The following GUCY1A2 variants were observed in gnomAD, a reference collection of about 807,000 sequenced individuals.
The protein encoded by GUCY1A2 is guanylate cyclase 1 soluble subunit alpha 2.
A neutral mutation model predicts 63.5 loss-of-function variants in GUCY1A2; 27 were observed. That is an observed-to-expected ratio of 0.43 (90% CI 0.31 to 0.59). GUCY1A2 has a LOEUF of 0.59. Among genes scored for constraint, GUCY1A2 ranks in the 20% least tolerant of loss-of-function variants. GUCY1A2 has a pLI of 0.11. For synonymous variants in GUCY1A2, 364 were observed against 343.5 expected (o/e 1.06, Z -0.66); for missense variants, 768 against 913.3 (o/e 0.84, Z 2.05).
In GUCY1A2 at chr11:106,683,320, T is replaced by A; in HGVS notation, c.*4229A>T. On this transcript the variant is annotated 3_prime_UTR_variant, in exon 8 of 8. Coordinates refer to ENST00000526355, the MANE Select transcript of GUCY1A2 (RefSeq NM_000855.3). The stretch of plus-strand genomic sequence containing the variant: ...TTCTTGAACTTGAGTTTCTAGATAT[T>A]GTCAGCTGAAAGACGCCTGGTGCTA... The A allele has an allele frequency of 4.5e-6, 1 of 222,374 alleles. No homozygotes were observed. Among genetic ancestry groups the A allele is most frequent in the Non-Finnish European group, 9.0e-6 (1 of 111,188 alleles). The allele number at this position is 222,374 out of a possible 1,614,324, so 13.8% of individuals were successfully genotyped here.
intron 4 of GUCY1A2, among the ~76,000 whole-genome samples, chr11:106,921,852 G>C (rs777493093): frequency 6.6e-6 from 1 of 152,208 alleles, no homozygotes; most frequent in Middle Eastern, 3.4e-3. Flanking sequence ...TTAACAACAT[G>C]TGTTGTATTC....
chr11:106,944,091 C>A (rs941290126), intron 3 of GUCY1A2, among the ~76,000 whole-genome samples: 9 of 150,652 alleles, frequency 6.0e-5, no homozygotes, highest in African/African-American at 1.7e-4. Flanking sequence ...GCCTGTAGTC[C>A]GTAGTCCCAG....
At chr11:106,895,804 G>C (rs1860039426) in intron 4 of GUCY1A2, among the ~76,000 whole-genome samples, 1 of 151,804 alleles carries the variant, frequency 6.6e-6, no homozygotes, top group African/African-American at 2.4e-5. Flanking sequence ...TACAAGAAAA[G>C]AAAACGACAG....
intron 4 of GUCY1A2, among the ~76,000 whole-genome samples, chr11:106,933,766 A>C (rs1591333197): frequency 6.6e-6 from 1 of 152,336 alleles, no homozygotes; most frequent in South Asian, 2.1e-4. Context: ...TGCAACCATT[A>C]AAAAGAACAC....
chr11:106,826,366 A>G (rs1858971079), intron 4 of GUCY1A2: 1 of 1,505,742 alleles, frequency 6.6e-7, no homozygotes, highest in Non-Finnish European at 9.1e-7. Context: ...TTGGAACTTT[A>G]TATGATTCTT....
chr11:106,754,823 T>G (rs1863944858), intron 6 of GUCY1A2, among the ~76,000 whole-genome samples: 2 of 152,194 alleles, frequency 1.3e-5, no homozygotes, highest in Admixed American at 6.6e-5. Flanking sequence ...TCTCTTTTTT[T>G]GTTGTGTCTC....
chr11:106,854,587 C>T (rs1272666150), intron 4 of GUCY1A2, among the ~76,000 whole-genome samples: 1 of 152,114 alleles, frequency 6.6e-6, no homozygotes, highest in East Asian at 1.9e-4. Flanking sequence ...AACCCTCAGG[C>T]TCCTGGATGG....
At chr11:106,946,795 G>T (rs1280926414) in intron 3 of GUCY1A2, among the ~76,000 whole-genome samples, 1 of 152,128 alleles carries the variant, frequency 6.6e-6, no homozygotes, top group African/African-American at 2.4e-5. Context: ...TGTAGTGATG[G>T]TTGCAAAACT....
At chr11:106,970,319 C>G (rs1354072223) in intron 3 of GUCY1A2, among the ~76,000 whole-genome samples, 1 of 152,116 alleles carries the variant, frequency 6.6e-6, no homozygotes, top group Non-Finnish European at 1.5e-5. Flanking sequence ...CTTATTGTTA[C>G]TAAGCAAAAG....
chr11:106,776,611 A>T (rs1565286323), intron 5 of GUCY1A2, 29 bp from the exon 6 acceptor site: 1 of 1,602,804 alleles, frequency 6.2e-7, no homozygotes. Flanking sequence ...TCAAATGCAA[A>T]CGTATGATAA....
chr11:106,997,056 C>CT (rs753601933), intron 1 of GUCY1A2, among the ~76,000 whole-genome samples: 1 of 151,992 alleles, frequency 6.6e-6, no homozygotes, highest in Non-Finnish European at 1.5e-5. Flanking sequence ...CATAAAAAGT[C>CT]TTTTTTAGTT....
At position 106,760,525 on chromosome 11, in the gene GUCY1A2, C is replaced by G. The variant is rs547257629; in HGVS notation, c.1836+15914G>C. 2.0e-5 allele frequency among the ~76,000 whole-genome samples: 3 copies of G among 152,158 alleles called. No homozygotes were observed. In the South Asian group the frequency reaches 6.2e-4, roughly 32 times the overall value. On this transcript the variant is annotated intron_variant, in intron 6 of 7. Coordinates refer to ENST00000526355, the MANE Select transcript of GUCY1A2 (RefSeq NM_000855.3). ...CTTTTTAATACATGAATAGTATTTA[C>G]AACTTGATATTTGGACAAAGTAGGT... is the stretch of plus-strand genomic sequence containing the variant.
At chr11:106,837,887 G>T (rs1197669539) in intron 4 of GUCY1A2, among the ~76,000 whole-genome samples, 1 of 151,858 alleles carries the variant, frequency 6.6e-6, no homozygotes, top group African/African-American at 2.4e-5. Context: ...TTTAATAATA[G>T]TTTTTGGTTA....
At chr11:106,709,402 ATAT>A (rs1294695372) in intron 6 of GUCY1A2, among the ~76,000 whole-genome samples, 1 of 94,260 alleles carries the variant, frequency 1.1e-5, no homozygotes. Flanking sequence ...TATAAATTAT[ATAT>A]TATACTATGT....
chr11:106,945,878 T>C (rs929795475), intron 3 of GUCY1A2, among the ~76,000 whole-genome samples: 1 of 152,146 alleles, frequency 6.6e-6, no homozygotes, highest in Non-Finnish European at 1.5e-5. Context: ...GGCAGGAGAA[T>C]CGCTTGAACC....
chr11:106,917,284 A>G (rs1189946230), intron 4 of GUCY1A2, among the ~76,000 whole-genome samples: 3 of 145,490 alleles, frequency 2.1e-5, no homozygotes, highest in African/African-American at 7.3e-5. Flanking sequence ...CCCTGTGGCA[A>G]CCAGAAGGAG....
At chr11:106,795,732 C>G (rs1357340459) in intron 5 of GUCY1A2, among the ~76,000 whole-genome samples, 1 of 152,164 alleles carries the variant, frequency 6.6e-6, no homozygotes, top group African/African-American at 2.4e-5. Flanking sequence ...AAATTCTCAT[C>G]TTTCCACTTT....
chr11:106,679,855 T>C lies in GUCY1A2; in HGVS notation c.*7694A>G, dbSNP rs147903405. The stretch of plus-strand genomic sequence containing the variant: ...TCTGCCACCTTCAGAAAGCATCTAT[T>C]TGTAGCTCTGTAAGCTTCTATCCCA... On this transcript the variant is annotated 3_prime_UTR_variant, in exon 8 of 8. Transcript: ENST00000526355. The C allele has an allele frequency of 2.9e-3, 630 of 217,906 alleles. 2 individuals carry two copies. The highest frequency in any genetic ancestry group is 0.013 in the African/African-American group (584 of 44,562). The allele number at this position is 217,906 out of a possible 1,614,324, so 13.5% of individuals were successfully genotyped here.
chr11:106,852,300 A>G (rs567224543), intron 4 of GUCY1A2, among the ~76,000 whole-genome samples: 28 of 152,072 alleles, frequency 1.8e-4, no homozygotes, highest in East Asian at 9.7e-4. Flanking sequence ...TTCATACCTT[A>G]TATTTCTTTC....
Sources: allele counts gnomAD v4.1 joint callset (sites outside exome capture counted in the v4.1 genomes callset), GRCh38; gene constraint gnomAD v4.1.1; transcripts MANE v1.5; gene names NCBI Gene and HGNC (gene_info 2026-07-23, HGNC 2026-07-21).